Variants in HMCN1 observed in about 807,000 individuals in gnomAD.
HMCN1 encodes hemicentin-1.
HMCN1 carries 321 observed loss-of-function variants against 625.9 expected under a neutral mutation model. The ratio of observed to expected loss-of-function variants is 0.51; its 90% CI spans 0.47 to 0.56. The LOEUF (loss-of-function observed/expected upper bound fraction) is 0.56. Among genes scored for constraint, HMCN1 ranks in the 20% least tolerant of loss-of-function variants. The probability of loss-of-function intolerance (pLI) is 0.00; values close to 1 mark genes in which losing one functional copy is unlikely to be tolerated. For synonymous variants in HMCN1, 2,425 were observed against 2,417.6 expected (o/e 1.00, Z -0.09); for missense variants, 6,588 against 6,887.3 (o/e 0.96, Z 1.54).
At position 186,000,058 on chromosome 1, in the gene HMCN1, A is replaced by G; in HGVS notation, c.3888A>G (p.Pro1296=). The change falls in exon 26 of 107, where the codon CCA becomes CCG. Residue 1296 remains proline, a synonymous_variant. Transcript: ENST00000271588. ...TTTCTTATTTAGGTACCCCTAAACC[A>G]ACCATCAAATGGTTACACAATGGTA... The part of the protein sequence containing the change: ...FPCPAKGTPK[P]TIKWLHNGRE... 3.7e-6 allele frequency: 6 copies of G among 1,612,328 alleles called. No homozygotes were observed. The highest frequency in any genetic ancestry group is 5.1e-6 in the Non-Finnish European group (6 of 1,178,908).
In HMCN1 at chr1:186,055,511, G is replaced by A. The variant is rs12067376; in HGVS notation, c.6981G>A (p.Met2327Ile). The change falls in exon 45 of 107, where the codon ATG (methionine) becomes ATA (isoleucine). Residue 2327 changes from methionine to isoleucine, a missense_variant. By Grantham distance (10) the Met-to-Ile change is conservative. Transcript: ENST00000271588. ...TTCCACCACCAACAGTGACCTGGAT[G>A]AAAGATGGCCACCCCTTGATCAAGG... ...QGIPPPTVTW[M>I]KDGHPLIKAK... 0.014 allele frequency: 22,985 copies of A among 1,612,938 alleles called. 213 individuals carry two copies. The highest frequency in any genetic ancestry group is 0.029 in the African/African-American group (2,167 of 74,938).
chr1:185,781,014 C>T (rs1314940564), intron 1 of HMCN1, among the ~76,000 whole-genome samples: 2 of 152,142 alleles, frequency 1.3e-5, no homozygotes, highest in Non-Finnish European at 2.9e-5. Context: ...TAATTATTGC[C>T]TCAATTTCAG....
At chr1:185,943,481 T>A (rs993883378) in intron 11 of HMCN1, among the ~76,000 whole-genome samples, 4 of 151,990 alleles carry the variant, frequency 2.6e-5, no homozygotes, top group Non-Finnish European at 5.9e-5. Context: ...TTCTGTTGAG[T>A]GGTATTAGAG....
chr1:186,020,712 T>TC (rs1654666594), intron 35 of HMCN1, among the ~76,000 whole-genome samples: 1 of 152,052 alleles, frequency 6.6e-6, no homozygotes, highest in Non-Finnish European at 1.5e-5. Context: ...TTCAGAAGAC[T>TC]CCATAGAAGT....
At chr1:185,962,732 AT>A in intron 12 of HMCN1, 73 bp downstream of exon 12, 1 of 858,960 alleles carries the variant, frequency 1.2e-6, no homozygotes, top group Non-Finnish European at 2.0e-6. Flanking sequence ...CCAAACTAAT[AT>A]GACCAAATCC....
At chr1:186,074,974 AGT>A (rs1658717952) in intron 53 of HMCN1, 83 bp downstream of exon 53, 2 of 1,200,214 alleles carry the variant, frequency 1.7e-6, no homozygotes, top group African/African-American at 1.5e-5. Flanking sequence ...TATTTTAAAC[AGT>A]GTTTTTTTCT....
intron 57 of HMCN1, among the ~76,000 whole-genome samples, chr1:186,084,657 TTCAG>T (rs372700473): frequency 8.8e-4 from 134 of 152,150 alleles, no homozygotes; most frequent in East Asian, 1.9e-3. Flanking sequence ...GGAACAGCAT[TTCAG>T]TCACTTCTCT....
At chr1:185,919,735 T>G (rs1404170356) in intron 6 of HMCN1, among the ~76,000 whole-genome samples, 1 of 152,210 alleles carries the variant, frequency 6.6e-6, no homozygotes, top group Non-Finnish European at 1.5e-5. Context: ...TTCACCGAGT[T>G]CAGACTCCAG....
At chr1:185,917,221 C>T (rs985295513) in intron 6 of HMCN1, among the ~76,000 whole-genome samples, 1 of 152,070 alleles carries the variant, frequency 6.6e-6, no homozygotes, top group Non-Finnish European at 1.5e-5. Flanking sequence ...ACCCCACTGA[C>T]CTGACTTTTC....
chr1:186,180,020 T>C (rs964262022), intron 104 of HMCN1, among the ~76,000 whole-genome samples: 3 of 152,186 alleles, frequency 2.0e-5, no homozygotes, highest in Non-Finnish European at 4.4e-5. Flanking sequence ...TCCCTCGTGA[T>C]TAGCTTACCA....
At position 186,166,186 on chromosome 1, in the gene HMCN1, G is replaced by A. The variant is rs1403397176; in HGVS notation, c.15322G>A (p.Glu5108Lys). The A allele has an allele frequency of 1.9e-6, 3 of 1,614,082 alleles. No individual in the cohort carries two copies. Among genetic ancestry groups the A allele is most frequent in the Non-Finnish European group, 2.5e-6 (3 of 1,180,012 alleles). ...LDSVGPFCAD[E>K]DECAAGNPCS... ...GGCCTTTTTGTTTCTTCTTTAAGAT[G>A]AGGATGAATGTGCAGCAGGGAATCC... The change falls in exon 99 of 107, where the codon GAG (glutamate) becomes AAG (lysine). Residue 5108 changes from glutamate (E) to lysine (K), a missense_variant and splice_region_variant. Glu to Lys is a moderately conservative substitution (Grantham distance 56). Transcript: ENST00000271588.
chr1:186,149,237 C>G (rs1338505452), intron 93 of HMCN1, among the ~76,000 whole-genome samples: 1 of 152,216 alleles, frequency 6.6e-6, no homozygotes, highest in African/African-American at 2.4e-5. Context: ...CCAGCATCTT[C>G]TTCCAATAGA....
chr1:185,956,342 A>G (rs1326560199), intron 11 of HMCN1, among the ~76,000 whole-genome samples: 3 of 152,100 alleles, frequency 2.0e-5, no homozygotes, highest in Admixed American at 6.6e-5. Flanking sequence ...CCAATTGCAA[A>G]CTGTAGGTTG....
rs529230637 is a variant in HMCN1, at chr1:186,041,252, A to G, written c.6304+116A>G. On this transcript the variant is annotated intron_variant, in intron 40 of 106. Transcript: ENST00000271588. ...AAGAACAATGAACCTTAGAAATGATATTACAGGATCAATTCAAATCAAATT... is the reference window on the plus strand; with the variant it reads ...AAGAACAATGAACCTTAGAAATGATGTTACAGGATCAATTCAAATCAAATT... 37 of 909,452 alleles carry G rather than the reference A, an allele frequency of 4.1e-5. No homozygotes were observed. In the African/African-American group the frequency reaches 5.8e-4, roughly 14 times the overall value. 56.3% of individuals were successfully genotyped at this position (909,452 alleles called of 1,614,324 possible).
chr1:186,182,390 T>A (rs1652992790), intron 105 of HMCN1, 103 bp downstream of exon 105: 1 of 1,338,734 alleles, frequency 7.5e-7, no homozygotes, highest in Admixed American at 1.8e-5. Context: ...GGCTTCCCCT[T>A]CTTACCCATT....
In HMCN1 at chr1:186,124,113, T is replaced by C. The variant is rs1049661653; in HGVS notation, c.12499+893T>C. The stretch of plus-strand genomic sequence containing the variant: ...ATAAATAATACTCCTTCTTCTCAAA[T>C]GTCTATAGAAAATTTACCAAAATTG... On this transcript the variant is annotated intron_variant, in intron 81 of 106. Transcript: ENST00000271588. Among the ~76,000 whole-genome samples, 9 of 152,248 alleles carry C rather than the reference T, an allele frequency of 5.9e-5. No individual in the cohort carries two copies. In the East Asian group the frequency reaches 1.7e-3, roughly 29 times the overall value.
chr1:185,834,981 A>G (rs1165079122), intron 1 of HMCN1, among the ~76,000 whole-genome samples: 1 of 152,064 alleles, frequency 6.6e-6, no homozygotes, highest in Non-Finnish European at 1.5e-5. Context: ...TTTCTAGATT[A>G]TGTTGGAAAC....
intron 1 of HMCN1, among the ~76,000 whole-genome samples, chr1:185,805,493 T>G (rs1659106605): frequency 6.6e-6 from 1 of 152,184 alleles, no homozygotes; most frequent in African/African-American, 2.4e-5. Flanking sequence ...ACTATTTCAT[T>G]GGTACTTCTG....
intron 14 of HMCN1, among the ~76,000 whole-genome samples, chr1:185,969,793 A>C (rs1307018156): frequency 1.3e-5 from 2 of 152,172 alleles, no homozygotes; most frequent in Non-Finnish European, 1.5e-5. Flanking sequence ...ATCCTGATTA[A>C]TTCTATTCTT....
Sources: allele counts gnomAD v4.1 joint callset (sites outside exome capture counted in the v4.1 genomes callset), GRCh38; gene constraint gnomAD v4.1.1; transcripts MANE v1.5; gene names NCBI Gene and HGNC (gene_info 2026-07-23, HGNC 2026-07-21).